NAB1: variants seen among roughly 807,000 people sequenced by gnomAD.
NAB1 encodes the protein NGFI-A-binding protein 1.
NAB1 carries 25 observed loss-of-function variants against 49.9 expected under a neutral mutation model. That is an observed-to-expected ratio of 0.50 (90% CI 0.37 to 0.70). The LOEUF (loss-of-function observed/expected upper bound fraction) is 0.70. NAB1 is among the 30% of genes least tolerant of loss of function. NAB1 has a pLI of 0.00. For missense variants in NAB1, 489 were observed against 575.9 expected, an observed-to-expected ratio of 0.85 and a Z score of 1.54; for synonymous variants, 198 against 215.6, an observed-to-expected ratio of 0.92 and a Z score of 0.71.
Position 190,657,854 on chromosome 2 carries a change from G to T in NAB1, c.-19-1304G>T, listed in dbSNP as rs1386426357. Among the ~76,000 whole-genome samples, 1 of 152,202 alleles carries T rather than the reference G, an allele frequency of 6.6e-6. No homozygotes were observed. Among genetic ancestry groups the T allele is most frequent in the Admixed American group, 6.5e-5 (1 of 15,282 alleles). ...TCCCAGTTAACTATTGCTGCATACT[G>T]TCAGAGTTGAGAGTGGGTCTTCCAT... On this transcript the variant is annotated intron_variant, in intron 3 of 9. Transcript: ENST00000337386. The surrounding 1 kb of genome is among the most constrained non-coding windows in gnomAD (Gnocchi z 4.4).
chr2:190,653,292 T>A (rs1163968236), intron 2 of NAB1, among the ~76,000 whole-genome samples: 1 of 152,150 alleles, frequency 6.6e-6, no homozygotes, highest in South Asian at 2.1e-4. Context: ...CAATCTTTCA[T>A]TAATGTGCAT....
Position 190,675,774 on chromosome 2 carries a change from G to A in NAB1, c.1005+2622G>A, listed in dbSNP as rs1342244371. 6.6e-6 allele frequency among the ~76,000 whole-genome samples: 1 copy of A among 152,070 alleles called. No homozygotes were observed. ...ATTTAGGACAGTGGCTCACTTTTTT[G>A]TTGTTGGTTTGTTTTTAATTTTGTT... On this transcript the variant is annotated intron_variant, in intron 6 of 9. Coordinates refer to ENST00000337386, the MANE Select transcript of NAB1 (RefSeq NM_005966.4). This position sits in a 1 kb window ranked among gnomAD's most constrained non-coding sequence, Gnocchi z 5.2.
intron 6 of NAB1, among the ~76,000 whole-genome samples, chr2:190,681,223 T>C (rs1695325389): frequency 6.6e-6 from 1 of 152,218 alleles, no homozygotes; most frequent in East Asian, 1.9e-4. Context: ...CCCAGTCTTG[T>C]CTGTGATGAA....
chr2:190,673,048 A>T, intron 5 of NAB1, 53 bp from the exon 6 acceptor site: 1 of 1,569,554 alleles, frequency 6.4e-7, no homozygotes, highest in Non-Finnish European at 8.7e-7. Flanking sequence ...CTTTGGAATA[A>T]AATCAGTTAC....
At position 190,677,343 on chromosome 2, in the gene NAB1, A is replaced by C. The variant is rs765084331; in HGVS notation, c.1005+4191A>C. 27 of 152,218 alleles carry C rather than the reference A, an allele frequency of 1.8e-4. No individual in the cohort carries two copies. The highest frequency in any genetic ancestry group is 6.3e-4 in the African/African-American group (26 of 41,454). The allele number at this position is 152,218 out of a possible 1,614,324, so 9.4% of individuals were successfully genotyped here. On this transcript the variant is annotated intron_variant, in intron 6 of 9. Coordinates refer to ENST00000337386, the MANE Select transcript of NAB1 (RefSeq NM_005966.4). The surrounding 1 kb of genome is among the most constrained non-coding windows in gnomAD (Gnocchi z 5.6). Reference sequence around the variant, plus strand: ...AATTCCTAGAATATATGAGATGGACATGGAGAAAAAGATCGCCTGCTAGCT... The same window carrying C: ...AATTCCTAGAATATATGAGATGGACCTGGAGAAAAAGATCGCCTGCTAGCT...
Position 190,685,943 on chromosome 2 carries a change from G to A in NAB1, c.1258+305G>A, listed in dbSNP as rs531973665. 2.0e-5 allele frequency among the ~76,000 whole-genome samples: 3 copies of A among 152,186 alleles called. No homozygotes were observed. The highest frequency in any genetic ancestry group is 2.1e-4 in the South Asian group (1 of 4,808). ...TATTTTCCCCGAAGAAGCAGATTCC[G>A]GGAGAGATGTTTATCCTTTTTAAAT... On this transcript the variant is annotated intron_variant, in intron 8 of 9. Coordinates refer to ENST00000337386, the MANE Select transcript of NAB1 (RefSeq NM_005966.4). The surrounding 1 kb of genome is among the most constrained non-coding windows in gnomAD (Gnocchi z 4.5).
chr2:190,689,042 G>A lies in NAB1; in HGVS notation c.1376-1203G>A, dbSNP rs574988896. On this transcript the variant is annotated intron_variant, in intron 9 of 9. Transcript: ENST00000337386. This position sits in a 1 kb window ranked among gnomAD's most constrained non-coding sequence, Gnocchi z 4.3. The stretch of plus-strand genomic sequence containing the variant: ...TTTAGTAGAGACGGGGTTTTACCGT[G>A]GTCTCAATCTCCTGACCTTGTGATC... 6.6e-6 allele frequency among the ~76,000 whole-genome samples: 1 copy of A among 152,116 alleles called. No homozygotes were observed. The highest frequency in any genetic ancestry group is 2.4e-5 in the African/African-American group (1 of 41,474).
chr2:190,650,827 C>T (rs1010332137), intron 2 of NAB1, among the ~76,000 whole-genome samples: 2 of 152,124 alleles, frequency 1.3e-5, no homozygotes, highest in African/African-American at 2.4e-5. Flanking sequence ...TATTAACATA[C>T]AAATAAGGGT....
In NAB1 at chr2:190,682,107, A is replaced by G. The variant is rs938355688; in HGVS notation, c.1006-1631A>G. ...AACAGTCAAAAAAAGAAAACCTTGAAAAAAGTAGGTGGAATACCAAGTATA... is the reference window on the plus strand; with the variant it reads ...AACAGTCAAAAAAAGAAAACCTTGAGAAAAGTAGGTGGAATACCAAGTATA... On this transcript the variant is annotated intron_variant, in intron 6 of 9. Coordinates refer to ENST00000337386, the MANE Select transcript of NAB1 (RefSeq NM_005966.4). The surrounding 1 kb of genome is among the most constrained non-coding windows in gnomAD (Gnocchi z 4.1). Among the ~76,000 whole-genome samples the G allele has an allele frequency of 6.6e-5, 10 of 152,226 alleles. No homozygotes were observed. The highest frequency in any genetic ancestry group is 1.5e-4 in the Non-Finnish European group (10 of 68,014).
At position 190,674,687 on chromosome 2, in the gene NAB1, A is replaced by G. The variant is rs1011651142; in HGVS notation, c.1005+1535A>G. 6.6e-6 allele frequency among the ~76,000 whole-genome samples: 1 copy of G among 152,204 alleles called. No homozygotes were observed. The highest frequency in any genetic ancestry group is 2.4e-5 in the African/African-American group (1 of 41,458). On this transcript the variant is annotated intron_variant, in intron 6 of 9. Transcript: ENST00000337386. This position sits in a 1 kb window ranked among gnomAD's most constrained non-coding sequence, Gnocchi z 5.7. ...GCAGATAAGCATCTTTGACTTATAA[A>G]CACTTTATCTGAAAGCAGTGGTTCT...
At chr2:190,650,890 T>A (rs1693629989) in intron 2 of NAB1, among the ~76,000 whole-genome samples, 1 of 152,220 alleles carries the variant, frequency 6.6e-6, no homozygotes, top group African/African-American at 2.4e-5. Context: ...TATCCCTGAT[T>A]TGGGTATTAG....
In NAB1 at chr2:190,674,586, G is replaced by A. The variant is rs1211681307; in HGVS notation, c.1005+1434G>A. On this transcript the variant is annotated intron_variant, in intron 6 of 9. Transcript: ENST00000337386. This position sits in a 1 kb window ranked among gnomAD's most constrained non-coding sequence, Gnocchi z 5.7. ...GTCTCTTATCTGTGAATCTGCTGCT[G>A]TATACTTAGAGTTTGTAACAGCCTT... 6.6e-6 allele frequency among the ~76,000 whole-genome samples: 1 copy of A among 152,182 alleles called. No homozygotes were observed. The highest frequency in any genetic ancestry group is 1.5e-5 in the Non-Finnish European group (1 of 68,026).
Position 190,692,703 on chromosome 2 carries a change from C to A in NAB1, c.*2370C>A, listed in dbSNP as rs896419451. 3.3e-5 allele frequency: 5 copies of A among 152,610 alleles called. No individual in the cohort carries two copies. Among genetic ancestry groups the A allele is most frequent in the African/African-American group, 1.2e-4 (5 of 41,436 alleles). 9.5% of individuals were successfully genotyped at this position (152,610 alleles called of 1,614,324 possible). A position where few individuals can be genotyped will look rare whatever the true frequency, so the allele number is the denominator to read the frequency against. ...GTCCACGTTTTTGTGACTCTTCAAG[C>A]TGTTGGTGAGGTGGGACGAATGCAC... is the stretch of plus-strand genomic sequence containing the variant. On this transcript the variant is annotated 3_prime_UTR_variant, in exon 10 of 10. Transcript: ENST00000337386. This position sits in a 1 kb window ranked among gnomAD's most constrained non-coding sequence, Gnocchi z 5.2.
chr2:190,660,075 C>T, intron 4 of NAB1, 80 bp downstream of exon 4: 1 of 1,297,168 alleles, frequency 7.7e-7, no homozygotes, highest in Non-Finnish European at 1.1e-6. Flanking sequence ...TAATAGTTTG[C>T]CACAAATGTG....
Position 190,654,695 on chromosome 2 carries a change from T to C in NAB1, c.-196-1282T>C, listed in dbSNP as rs563174450. Among the ~76,000 whole-genome samples the C allele has an allele frequency of 6.6e-6, 1 of 152,144 alleles. No homozygotes were observed. The highest frequency in any genetic ancestry group is 2.4e-5 in the African/African-American group (1 of 41,430). ...GTTCGCAAATCTGTAAACTTGGCAT[T>C]GCAGTGTGGGATCTATTGAAGGTGA... On this transcript the variant is annotated intron_variant, in intron 2 of 9. Coordinates refer to ENST00000337386, the MANE Select transcript of NAB1 (RefSeq NM_005966.4). The surrounding 1 kb of genome is among the most constrained non-coding windows in gnomAD (Gnocchi z 5.6).
rs115323894 is a variant in NAB1 at position 190,679,364 on chromosome 2, G to A, written c.1006-4374G>A. On this transcript the variant is annotated intron_variant, in intron 6 of 9. Coordinates refer to ENST00000337386, the MANE Select transcript of NAB1 (RefSeq NM_005966.4). The surrounding 1 kb of genome is among the most constrained non-coding windows in gnomAD (Gnocchi z 5.3). ...ACTGTAGGAGTAAATAATGACTAATGTGCTCAGTTGCAGAGAGATCACTGA... is the reference window on the plus strand; with the variant it reads ...ACTGTAGGAGTAAATAATGACTAATATGCTCAGTTGCAGAGAGATCACTGA... Among the ~76,000 whole-genome samples, 597 of 152,336 alleles carry A rather than the reference G, an allele frequency of 3.9e-3. 2 individuals are homozygous for A. Among genetic ancestry groups the A allele is most frequent in the African/African-American group, 0.013 (558 of 41,560 alleles).
At position 190,689,397 on chromosome 2, in the gene NAB1, T is replaced by C. The variant is rs1356362025; in HGVS notation, c.1376-848T>C. On this transcript the variant is annotated intron_variant, in intron 9 of 9. Coordinates refer to ENST00000337386, the MANE Select transcript of NAB1 (RefSeq NM_005966.4). This position sits in a 1 kb window ranked among gnomAD's most constrained non-coding sequence, Gnocchi z 4.3. ...AGTAGCTACTTTTTTTTACTACTCT[T>C]ACGCGGAACTTAAAATCCCCTTCTG... Among the ~76,000 whole-genome samples the C allele has an allele frequency of 6.6e-6, 1 of 152,194 alleles. No individual in the cohort carries two copies. Among genetic ancestry groups the C allele is most frequent in the Non-Finnish European group, 1.5e-5 (1 of 68,034 alleles).
In NAB1 at chr2:190,674,052, T is replaced by C. The variant is rs1238042574; in HGVS notation, c.1005+900T>C. On this transcript the variant is annotated intron_variant, in intron 6 of 9. Coordinates refer to ENST00000337386, the MANE Select transcript of NAB1 (RefSeq NM_005966.4). The surrounding 1 kb of genome is among the most constrained non-coding windows in gnomAD (Gnocchi z 5.7). Reference sequence around the variant, plus strand: ...CACCCTAAATTTCTGTCATCAGTTATATCTACAGAGTATCTATATGGCAGT... The same window carrying C: ...CACCCTAAATTTCTGTCATCAGTTACATCTACAGAGTATCTATATGGCAGT... Among the ~76,000 whole-genome samples, 3 of 152,226 alleles carry C rather than the reference T, an allele frequency of 2.0e-5. No individual in the cohort carries two copies. The highest frequency in any genetic ancestry group is 3.8e-4 in the East Asian group (2 of 5,196).
In NAB1 at chr2:190,675,580, C is replaced by T. The variant is rs1054493737; in HGVS notation, c.1005+2428C>T. On this transcript the variant is annotated intron_variant, in intron 6 of 9. Coordinates refer to ENST00000337386, the MANE Select transcript of NAB1 (RefSeq NM_005966.4). This position sits in a 1 kb window ranked among gnomAD's most constrained non-coding sequence, Gnocchi z 5.2. ...GGAGGTCACAAAGCCACTTGAACAG[C>T]TCTGGATTCAAAATTAAGATAATCA... Among the ~76,000 whole-genome samples, 1 of 152,194 alleles carries T rather than the reference C, an allele frequency of 6.6e-6. No homozygotes were observed. Among genetic ancestry groups the T allele is most frequent in the Non-Finnish European group, 1.5e-5 (1 of 68,040 alleles).
Sources: allele counts gnomAD v4.1 joint callset (sites outside exome capture counted in the v4.1 genomes callset), GRCh38; gene constraint gnomAD v4.1.1; non-coding constraint Gnocchi (gnomAD v3.1); transcripts MANE v1.5; gene names NCBI Gene and HGNC (gene_info 2026-07-23, HGNC 2026-07-21).